The following SENP1 variants were observed in gnomAD, a reference collection of about 807,000 sequenced individuals.
SENP1 encodes the protein SUMO specific peptidase 1, also known as sentrin-specific protease 1.
In SENP1, 21 loss-of-function variants were observed where a neutral mutation model predicts 93.0. The observed-to-expected ratio is 0.23, with a 90% CI of 0.16 to 0.33. SENP1 has a LOEUF of 0.33. SENP1 is among the 10% of genes least tolerant of loss of function. The probability of loss-of-function intolerance (pLI) is 1.00; values close to 1 mark genes in which losing one functional copy is unlikely to be tolerated. For synonymous variants in SENP1, 256 were observed against 259.6 expected (o/e 0.99, Z 0.13); for missense variants, 591 against 758.7 (o/e 0.78, Z 2.60).
At chr12:48,055,884 A>G (rs1424628351) in intron 13 of SENP1, among the ~76,000 whole-genome samples, 1 of 141,380 alleles carries the variant, frequency 7.1e-6, no homozygotes, top group East Asian at 2.1e-4. Flanking sequence ...ATTACATATT[A>G]TGCAATATAT....
Position 48,074,429 on chromosome 12 carries a change from C to T in SENP1, c.835G>A (p.Val279Ile). The T allele has an allele frequency of 6.2e-7, 1 of 1,613,782 alleles. No individual in the cohort carries two copies. The highest frequency in any genetic ancestry group is 8.5e-7 in the Non-Finnish European group (1 of 1,179,796). The change falls in exon 8 of 18, where the codon GTT becomes ATT. Residue 279 changes from valine to isoleucine, a missense_variant. Transcript: ENST00000549518. ...CCAGAATCTTTGGATCCAAATGCAA[C>T]ATCTGGGGTATAAGAAGATAGGGAA... Reference protein sequence around the residue: ...VYSLSSYTPDVAFGSKDSGTL... With the variant: ...VYSLSSYTPDIAFGSKDSGTL...
chr12:48,055,126 C>A, intron 13 of SENP1: 1 of 259,700 alleles, frequency 3.9e-6, no homozygotes, highest in South Asian at 6.0e-5. Flanking sequence ...GTTACACTTT[C>A]TCTTGCGCTT....
chr12:48,045,197 C>A lies in SENP1; in HGVS notation c.*125G>T. On this transcript the variant is annotated 3_prime_UTR_variant, in exon 18 of 18. Coordinates refer to ENST00000549518, the MANE Select transcript of SENP1 (RefSeq NM_001267594.2). ...TGCTTGTGAATGCATCTCGCCAGGG[C>A]CTGGTCCAGGATCAAGGGTGTTACA... 1.4e-6 allele frequency: 1 copy of A among 724,588 alleles called. No individual in the cohort carries two copies. The highest frequency in any genetic ancestry group is 2.4e-6 in the Non-Finnish European group (1 of 408,396). 44.9% of individuals were successfully genotyped at this position (724,588 alleles called of 1,614,324 possible).
intron 5 of SENP1, 41 bp downstream of exon 5, chr12:48,088,760 T>A: frequency 6.4e-7 from 1 of 1,574,564 alleles, no homozygotes; most frequent in South Asian, 1.2e-5. Context: ...TTCTCTTATG[T>A]CTGAGGAAGG....
rs144676918 is a variant in SENP1 at position 48,053,907 on chromosome 12, CTAA to C, written c.1408-4778_1408-4776del. ...TCCAATTGGAAACAACTGGTAATAACTAATATGGGTTTATAGAGTAGAACCCAT... is the reference window on the plus strand; with the variant it reads ...TCCAATTGGAAACAACTGGTAATAACTATGGGTTTATAGAGTAGAACCCAT... On this transcript the variant is annotated intron_variant, in intron 13 of 17. Coordinates refer to ENST00000549518, the MANE Select transcript of SENP1 (RefSeq NM_001267594.2). Among the ~76,000 whole-genome samples, 723 of 152,292 alleles carry C rather than the reference CTAA, an allele frequency of 4.7e-3. 7 individuals are homozygous for C. Among genetic ancestry groups the C allele is most frequent in the African/African-American group, 0.016 (648 of 41,572 alleles).
Position 48,062,005 on chromosome 12 carries a change from A to C in SENP1, c.1407+1705T>G, listed in dbSNP as rs145162429. ...CCTTCTTCTCATCTCCTCTAAAATA[A>C]TGTAATTTCCATTAACTTAGCTTGC... is the stretch of plus-strand genomic sequence containing the variant. On this transcript the variant is annotated intron_variant, in intron 13 of 17. Transcript: ENST00000549518. Among the ~76,000 whole-genome samples, 549 of 152,286 alleles carry C rather than the reference A, an allele frequency of 3.6e-3. 4 individuals carry two copies. The highest frequency in any genetic ancestry group is 0.013 in the African/African-American group (526 of 41,566).
chr12:48,054,446 G>GTT (rs1942065727), intron 13 of SENP1, among the ~76,000 whole-genome samples: 1 of 152,050 alleles, frequency 6.6e-6, no homozygotes, highest in African/African-American at 2.4e-5. Context: ...TGTTTGCAGG[G>GTT]TATATTTTTT....
chr12:48,096,351 T>C lies in SENP1; in HGVS notation c.212A>G (p.Tyr71Cys), dbSNP rs759994584. The C allele has an allele frequency of 2.5e-6, 4 of 1,591,324 alleles. No homozygotes were observed. Among genetic ancestry groups the C allele is most frequent in the Admixed American group, 1.7e-5 (1 of 59,800 alleles). The change falls in exon 4 of 18, where the codon TAT becomes TGT. Residue 71 changes from tyrosine to cysteine, a missense_variant. Tyr to Cys is a radical substitution (Grantham distance 194). Coordinates refer to ENST00000549518, the MANE Select transcript of SENP1 (RefSeq NM_001267594.2). ...STRSAAYNPSYYSDNPSSDSF... is the reference protein window; with the variant it reads ...STRSAAYNPSCYSDNPSSDSF... ...CAAGTAATGTGTCATACCTGAGTAA[T>C]AGCTTGGATTATAAGCTGCACTTCT...
chr12:48,070,494 A>T, intron 9 of SENP1, among the ~76,000 whole-genome samples: 1 of 152,204 alleles, frequency 6.6e-6, no homozygotes, highest in East Asian at 1.9e-4. Flanking sequence ...ATTGTCCTTC[A>T]TCCTTCCCCT....
Position 48,106,030 on chromosome 12 carries a change from A to T in SENP1, c.-47T>A. On this transcript the variant is annotated splice_region_variant and 5_prime_UTR_variant, in exon 1 of 18. Coordinates refer to ENST00000549518, the MANE Select transcript of SENP1 (RefSeq NM_001267594.2). ...CCCAGCTTCCCGCCGCCACTCACCG[A>T]ACCGGAACCGGCTGCCATGCGAAGG... 1.4e-6 allele frequency: 1 copy of T among 701,582 alleles called. No homozygotes were observed. The allele number at this position is 701,582 out of a possible 1,614,324, so 43.5% of individuals were successfully genotyped here. A position where few individuals can be genotyped will look rare whatever the true frequency, so the allele number is the denominator to read the frequency against.
intron 6 of SENP1, among the ~76,000 whole-genome samples, chr12:48,078,506 A>C (rs1944296641): frequency 6.6e-6 from 1 of 151,370 alleles, no homozygotes; most frequent in East Asian, 1.9e-4. Flanking sequence ...TCATGTTGTC[A>C]GTAAAAGTGA....
At position 48,098,240 on chromosome 12, in the gene SENP1, C is replaced by T. The variant is rs1592481895; in HGVS notation, c.5-116G>A. On this transcript the variant is annotated intron_variant, in intron 2 of 17. Coordinates refer to ENST00000549518, the MANE Select transcript of SENP1 (RefSeq NM_001267594.2). ...CCCACCCAGGCATGGTGTCTCATGC[C>T]TGTAATCCCAGCACTCTGAGAGGCT... 3.8e-6 allele frequency: 4 copies of T among 1,058,766 alleles called. No individual in the cohort carries two copies. In the East Asian group the frequency reaches 1.1e-4, roughly 28 times the overall value. 65.6% of individuals were successfully genotyped at this position (1,058,766 alleles called of 1,614,324 possible).
chr12:48,048,173 G>C, intron 14 of SENP1, 93 bp from the exon 15 acceptor site: 1 of 742,420 alleles, frequency 1.3e-6, no homozygotes, highest in Non-Finnish European at 2.3e-6. Context: ...CCTTTTGCCA[G>C]ACTTCCTACA....
At chr12:48,096,973 C>CA (rs1046277299) in intron 3 of SENP1, among the ~76,000 whole-genome samples, 2 of 151,740 alleles carry the variant, frequency 1.3e-5, no homozygotes, top group Non-Finnish European at 2.9e-5. Context: ...AAGACTATTT[C>CA]AGAACTCAAT....
rs372546124 is a variant in SENP1, at chr12:48,046,464, C to A, written c.1777-13G>T. ...GCTGAGGAATCTCCTGGAAGACCAA[C>A]AACAAAAAAAATGACATCTTTCCAA... On this transcript the variant is annotated splice_polypyrimidine_tract_variant and intron_variant, in intron 16 of 17. Coordinates refer to ENST00000549518, the MANE Select transcript of SENP1 (RefSeq NM_001267594.2). 62 of 1,565,350 alleles carry A rather than the reference C, an allele frequency of 4.0e-5. No individual in the cohort carries two copies. The African/African-American group carries it at 7.8e-4, about 20-fold the overall frequency.
Position 48,065,647 on chromosome 12 carries a change from T to C in SENP1, c.1068A>G (p.Arg356=). 4.5e-6 allele frequency: 7 copies of C among 1,562,352 alleles called. No individual in the cohort carries two copies. The highest frequency in any genetic ancestry group is 6.1e-6 in the Non-Finnish European group (7 of 1,151,610). ...TSVYDSRARE[R]LRQIEEQKAL... The stretch of plus-strand genomic sequence containing the variant: ...CCTTCTGTTCTTCAATCTGGCGCAA[T>C]CTTTCTCGTGCTCGAGAATCATAAA... Residue 356 remains arginine, a synonymous_variant, in exon 11 of 18, where the codon AGA becomes AGG. Coordinates refer to ENST00000549518, the MANE Select transcript of SENP1 (RefSeq NM_001267594.2).
chr12:48,069,833 C>T (rs767942845), intron 9 of SENP1, among the ~76,000 whole-genome samples: 2 of 152,042 alleles, frequency 1.3e-5, no homozygotes, highest in Non-Finnish European at 2.9e-5. Context: ...AAAGACTTAA[C>T]AAATAGAGAA....
chr12:48,085,853 A>G (rs1265250916), intron 5 of SENP1, among the ~76,000 whole-genome samples: 1 of 152,200 alleles, frequency 6.6e-6, no homozygotes, highest in Non-Finnish European at 1.5e-5. Flanking sequence ...TGGTAAAGAC[A>G]TGATGGATTC....
intron 6 of SENP1, among the ~76,000 whole-genome samples, chr12:48,075,869 C>T (rs888328856): frequency 1.3e-5 from 2 of 152,268 alleles, no homozygotes; most frequent in Admixed American, 1.3e-4. Context: ...AGTGATATTT[C>T]AGCAGAAACC....
Sources: gnomAD v4.1 joint callset for allele counts (sites outside exome capture counted in the v4.1 genomes callset) on GRCh38, gnomAD v4.1.1 for gene constraint, MANE v1.5 for transcripts, NCBI Gene and HGNC (gene_info 2026-07-23, HGNC 2026-07-21) for gene names.